The following RAP1GDS1 variants were observed in gnomAD, a reference collection of about 807,000 sequenced individuals.
RAP1GDS1 encodes RAP1, GTP-GDP dissociation stimulator 1.
RAP1GDS1 carries 35 observed loss-of-function variants against 71.1 expected under a neutral mutation model. The ratio of observed to expected loss-of-function variants is 0.49; its 90% CI spans 0.38 to 0.65. RAP1GDS1 has a LOEUF of 0.65. RAP1GDS1 is among the 30% of genes least tolerant of loss of function. RAP1GDS1 has a pLI of 0.00. For missense variants in RAP1GDS1, 663 were observed against 706.1 expected (o/e 0.94, Z 0.69); for synonymous variants, 229 against 243.1 (o/e 0.94, Z 0.54).
intron 2 of RAP1GDS1, among the ~76,000 whole-genome samples, chr4:98,324,766 C>G (rs1175762712): frequency 1.4e-5 from 2 of 145,668 alleles, no homozygotes; most frequent in Admixed American, 6.9e-5. Context: ...ATACAAAAAT[C>G]AATTCAAGAT....
chr4:98,360,900 C>T (rs567540639), intron 4 of RAP1GDS1, among the ~76,000 whole-genome samples: 1 of 151,886 alleles, frequency 6.6e-6, no homozygotes, highest in Admixed American at 6.6e-5. Flanking sequence ...GGTGAAACCC[C>T]ATCTCTACTT....
At position 98,441,974 on chromosome 4, in the gene RAP1GDS1, T is replaced by C. The variant is rs927499019; in HGVS notation, c.1697-16T>C. On this transcript the variant is annotated splice_polypyrimidine_tract_variant and intron_variant, in intron 14 of 14. Transcript: ENST00000408927. The stretch of plus-strand genomic sequence containing the variant: ...CAACCTAACAGAATCATATCTGTTA[T>C]TTTTTTGTCTTCCAGAATGTCTACA... 1 of 1,610,984 alleles carries C rather than the reference T, an allele frequency of 6.2e-7. No individual in the cohort carries two copies. Among genetic ancestry groups the C allele is most frequent in the Non-Finnish European group, 8.5e-7 (1 of 1,178,332 alleles).
intron 2 of RAP1GDS1, among the ~76,000 whole-genome samples, chr4:98,331,865 T>C (rs377140272): frequency 6.6e-6 from 1 of 152,176 alleles, no homozygotes; most frequent in East Asian, 1.9e-4. Flanking sequence ...GTAGCACAGG[T>C]CACTGTGAAA....
intron 4 of RAP1GDS1, among the ~76,000 whole-genome samples, chr4:98,356,388 T>A (rs181508142): frequency 7.2e-4 from 110 of 152,256 alleles, no homozygotes; most frequent in African/African-American, 1.8e-3. Flanking sequence ...AATGGCCTTA[T>A]AGTTTTAAAA....
At chr4:98,358,392 G>A (rs1207525237) in intron 4 of RAP1GDS1, among the ~76,000 whole-genome samples, 1 of 152,016 alleles carries the variant, frequency 6.6e-6, no homozygotes, top group African/African-American at 2.4e-5. Context: ...TTTTATTTGG[G>A]TAGTATATCC....
rs144200297 is a variant in RAP1GDS1, at chr4:98,441,967, T to C, written c.1697-23T>C. On this transcript the variant is annotated intron_variant, in intron 14 of 14. Transcript: ENST00000408927. ...CTTAGAACAACCTAACAGAATCATATCTGTTATTTTTTTGTCTTCCAGAAT... is the reference window on the plus strand; with the variant it reads ...CTTAGAACAACCTAACAGAATCATACCTGTTATTTTTTTGTCTTCCAGAAT... 8.7e-4 allele frequency: 1,400 copies of C among 1,612,266 alleles called. 16 individuals carry two copies. The Admixed American group carries it at 0.02, about 23-fold the overall frequency.
intron 2 of RAP1GDS1, among the ~76,000 whole-genome samples, chr4:98,297,409 C>G (rs1208889239): frequency 1.3e-5 from 2 of 152,138 alleles, no homozygotes; most frequent in Non-Finnish European, 2.9e-5. Flanking sequence ...AGGTTTATGG[C>G]AACCCTAAGT....
chr4:98,319,673 C>T (rs925083064), intron 2 of RAP1GDS1, among the ~76,000 whole-genome samples: 68 of 149,682 alleles, frequency 4.5e-4, no homozygotes, highest in Non-Finnish European at 1.5e-4. Context: ...CCCAGCTACT[C>T]GGGAGGTTGA....
chr4:98,267,073 A>G (rs1180757944), intron 1 of RAP1GDS1, among the ~76,000 whole-genome samples: 1 of 152,200 alleles, frequency 6.6e-6, no homozygotes, highest in Non-Finnish European at 1.5e-5. Context: ...TGGATAACTG[A>G]TAAGGAAAAA....
intron 4 of RAP1GDS1, among the ~76,000 whole-genome samples, chr4:98,378,233 A>G (rs1741468339): frequency 6.6e-6 from 1 of 151,954 alleles, no homozygotes; most frequent in African/African-American, 2.4e-5. Flanking sequence ...TTCAAAAGTT[A>G]GAAAGTAGTC....
At chr4:98,369,709 G>A (rs1201297223) in intron 4 of RAP1GDS1, among the ~76,000 whole-genome samples, 6 of 152,078 alleles carry the variant, frequency 3.9e-5, no homozygotes, top group Non-Finnish European at 4.4e-5. Context: ...GATGGCTTAC[G>A]AAAGGACTTG....
intron 14 of RAP1GDS1, among the ~76,000 whole-genome samples, chr4:98,439,579 C>A (rs137938919): frequency 1.4e-4 from 21 of 152,120 alleles, no homozygotes; most frequent in African/African-American, 4.6e-4. Context: ...CTTGTAGGTC[C>A]CTGAGGTTTT....
chr4:98,365,440 C>G (rs1739341956), intron 4 of RAP1GDS1, among the ~76,000 whole-genome samples: 1 of 149,514 alleles, frequency 6.7e-6, no homozygotes, highest in Admixed American at 6.7e-5. Context: ...CATGGCGGAA[C>G]CCCCTATCCC....
intron 1 of RAP1GDS1, among the ~76,000 whole-genome samples, chr4:98,288,460 T>A (rs1726384168): frequency 6.6e-6 from 1 of 152,192 alleles, no homozygotes; most frequent in South Asian, 2.1e-4. Flanking sequence ...GTTCCAAGTC[T>A]TTGCTATTGT....
intron 12 of RAP1GDS1, among the ~76,000 whole-genome samples, chr4:98,421,618 A>G (rs1214992898): frequency 1.3e-5 from 2 of 152,140 alleles, no homozygotes; most frequent in Non-Finnish European, 2.9e-5. Context: ...TACTTTTACC[A>G]CCACCGTTAT....
At chr4:98,357,943 A>C (rs757797255) in intron 4 of RAP1GDS1, among the ~76,000 whole-genome samples, 41 of 152,094 alleles carry the variant, frequency 2.7e-4, no homozygotes, top group Middle Eastern at 3.4e-3. Flanking sequence ...ACATACAATA[A>C]CATACAAAAG....
At chr4:98,330,982 C>T (rs1050340098) in intron 2 of RAP1GDS1, among the ~76,000 whole-genome samples, 10 of 152,262 alleles carry the variant, frequency 6.6e-5, no homozygotes, top group African/African-American at 2.2e-4. Context: ...GCCGAGATCA[C>T]GCCACTGCAC....
intron 4 of RAP1GDS1, among the ~76,000 whole-genome samples, chr4:98,369,172 C>G (rs1348171249): frequency 6.6e-6 from 1 of 152,158 alleles, no homozygotes; most frequent in Admixed American, 6.5e-5. Flanking sequence ...CGCCATGATT[C>G]AGTTACCTCC....
In RAP1GDS1 at chr4:98,343,172, G is replaced by A. The variant is rs377518587; in HGVS notation, c.146G>A (p.Gly49Glu). ...ACAAGTGAAAAAATCCAAGCAAGTG[G>A]AATACTTCAGCTGTTTGCAAGTCTG... ...TETSEKIQAS[G>E]ILQLFASLLT... Residue 49 changes from glycine (G) to glutamate (E), a missense_variant, in exon 3 of 15, where the codon GGA becomes GAA. Physicochemically the swap from Gly to Glu is moderately conservative, Grantham distance 98. Transcript: ENST00000408927. 10 of 1,607,874 alleles carry A rather than the reference G, an allele frequency of 6.2e-6. No individual in the cohort carries two copies. Among genetic ancestry groups the A allele is most frequent in the Admixed American group, 1.7e-5 (1 of 59,608 alleles).
Sources: allele counts gnomAD v4.1 joint callset (sites outside exome capture counted in the v4.1 genomes callset), GRCh38; gene constraint gnomAD v4.1.1; transcripts MANE v1.5; gene names NCBI Gene and HGNC (gene_info 2026-07-23, HGNC 2026-07-21).